The following PHLDB1 variants were observed in gnomAD, a reference collection of about 807,000 sequenced individuals.
The protein encoded by PHLDB1 is pleckstrin homology like domain family B member 1, also known as pleckstrin homology-like domain family B member 1.
PHLDB1 carries 65 observed loss-of-function variants against 139.3 expected under a neutral mutation model. The observed-to-expected ratio is 0.47, with a 90% CI of 0.38 to 0.57. PHLDB1 has a LOEUF of 0.57. PHLDB1 is among the 20% of genes least tolerant of loss of function. The probability of loss-of-function intolerance (pLI) is 0.00; values close to 1 mark genes in which losing one functional copy is unlikely to be tolerated. For missense variants in PHLDB1, 1,624 were observed against 1,839.7 expected, an observed-to-expected ratio of 0.88 and a Z score of 2.14; for synonymous variants, 679 against 734.5, an observed-to-expected ratio of 0.92 and a Z score of 1.22.
chr11:118,618,983 G>A (rs78633738), intron 4 of PHLDB1, among the ~76,000 whole-genome samples: 1 of 152,212 alleles, frequency 6.6e-6, no homozygotes, highest in Non-Finnish European at 1.5e-5. Flanking sequence ...GGAGCATGAA[G>A]TGAGGGAGCC....
At chr11:118,655,796 G>C (rs1418802464) in intron 21 of PHLDB1, 64 bp from the exon 22 acceptor site, 17 of 1,521,742 alleles carry the variant, frequency 1.1e-5, no homozygotes, top group Admixed American at 1.7e-5. Flanking sequence ...CTCTACAGAG[G>C]CTCCAACCCA....
chr11:118,611,826 A>AT lies in PHLDB1; in HGVS notation c.-21-1990_-21-1989insT, dbSNP rs11425130. ...AGAGTGAAACTCCGTCTCAAAAAAA[A>AT]AAAAAAAATAATAATAATAATAATA... On this transcript the variant is annotated intron_variant, in intron 1 of 22. Coordinates refer to ENST00000600882, the MANE Select transcript of PHLDB1 (RefSeq NM_001144758.3). This position sits in a 1 kb window ranked among gnomAD's most constrained non-coding sequence, Gnocchi z 4.7. Among the ~76,000 whole-genome samples, 32,704 of 147,928 alleles carry AT rather than the reference A, an allele frequency of 0.22. 4,267 individuals are homozygous for AT. Among genetic ancestry groups the AT allele is most frequent in the East Asian group, 0.4 (1,982 of 4,998 alleles).
Position 118,647,934 on chromosome 11 carries a change from G to A in PHLDB1, c.3512G>A (p.Arg1171Gln), listed in dbSNP as rs372832106. 2.3e-5 allele frequency: 36 copies of A among 1,568,556 alleles called. No individual in the cohort carries two copies. Among genetic ancestry groups the A allele is most frequent in the Admixed American group, 3.8e-5 (2 of 52,468 alleles). The change falls in exon 18 of 23, where the codon CGG (arginine) becomes CAG (glutamine). Residue 1171 changes from arginine to glutamine, a missense_variant. Arg to Gln is a conservative substitution (Grantham distance 43). Coordinates refer to ENST00000600882, the MANE Select transcript of PHLDB1 (RefSeq NM_001144758.3). ...ACCCCTTGGCTTTGGGGGCAGGAGC[G>A]GGAGATGGAGCTGCGGCGGCAGGCC... Reference protein sequence around the residue: ...EKNRLMESREREMELRRQALE... With the variant: ...EKNRLMESREQEMELRRQALE...
At chr11:118,656,582 T>C (rs1949101123) in intron 22 of PHLDB1, 101 bp from the exon 23 acceptor site, 1 of 1,188,968 alleles carries the variant, frequency 8.4e-7, no homozygotes, top group Non-Finnish European at 1.2e-6. Context: ...CTCCAGGGCT[T>C]TCTAGGGGCT....
At position 118,632,235 on chromosome 11, in the gene PHLDB1, T is replaced by C. The variant is rs2136268704; in HGVS notation, c.2318T>C (p.Val773Ala). 1 of 1,613,860 alleles carries C rather than the reference T, an allele frequency of 6.2e-7. No individual in the cohort carries two copies. Among genetic ancestry groups the C allele is most frequent in the Non-Finnish European group, 8.5e-7 (1 of 1,179,976 alleles). The change falls in exon 9 of 23, where the codon GTG (valine) becomes GCG (alanine). Residue 773 changes from valine to alanine, a missense_variant. By Grantham distance (64) the Val-to-Ala change is moderately conservative. Coordinates refer to ENST00000600882, the MANE Select transcript of PHLDB1 (RefSeq NM_001144758.3). The surrounding 1 kb of genome is among the most constrained non-coding windows in gnomAD (Gnocchi z 5.9). The part of the protein sequence containing the change: ...RALLQKEQKA[V>A]DQLQEKLVAL... ...CTGCTGCAGAAGGAGCAGAAGGCAG[T>C]GGATCAGCTGCAGGAGAAGCTGGTG...
chr11:118,623,695 C>T (rs1019067309), intron 4 of PHLDB1, among the ~76,000 whole-genome samples: 6 of 152,066 alleles, frequency 3.9e-5, no homozygotes, highest in African/African-American at 7.2e-5. Context: ...AGGACCCCCC[C>T]GGTTCATCTG....
At chr11:118,649,174 T>G (rs943756193) in intron 18 of PHLDB1, among the ~76,000 whole-genome samples, 2 of 151,960 alleles carry the variant, frequency 1.3e-5, no homozygotes, top group African/African-American at 2.4e-5. Flanking sequence ...TAGCTTACTC[T>G]GATGGCTGAG....
At chr11:118,638,868 A>C (rs1287391492) in intron 10 of PHLDB1, 23 bp from the exon 11 acceptor site, 3 of 1,578,178 alleles carry the variant, frequency 1.9e-6, no homozygotes, top group Non-Finnish European at 2.6e-6. Context: ...CCAGGGCCTG[A>C]TCAACCACCC....
In PHLDB1 at chr11:118,650,279, G is replaced by A. The variant is rs369463019; in HGVS notation, c.3771+86G>A. On this transcript the variant is annotated intron_variant, in intron 19 of 22. Coordinates refer to ENST00000600882, the MANE Select transcript of PHLDB1 (RefSeq NM_001144758.3). The surrounding 1 kb of genome is among the most constrained non-coding windows in gnomAD (Gnocchi z 4.7). ...CCTCCTGGGTCGTTGGAATAGTGGCGTCAGTCTCTACCCTCACCTAACCAG... is the reference window on the plus strand; with the variant it reads ...CCTCCTGGGTCGTTGGAATAGTGGCATCAGTCTCTACCCTCACCTAACCAG... 45 of 1,102,836 alleles carry A rather than the reference G, an allele frequency of 4.1e-5. No homozygotes were observed. The African/African-American group carries it at 4.9e-4, about 12-fold the overall frequency. 68.3% of individuals were successfully genotyped at this position (1,102,836 alleles called of 1,614,324 possible).
At chr11:118,644,774 C>A in intron 15 of PHLDB1, 1 of 908,884 alleles carries the variant, frequency 1.1e-6, no homozygotes, top group South Asian at 1.4e-5. Context: ...GCCCAGGTCC[C>A]CACTGCCTGC....
At chr11:118,642,213 C>A (rs782559672) in intron 12 of PHLDB1, 41 bp from the exon 13 acceptor site, 6 of 1,587,364 alleles carry the variant, frequency 3.8e-6, no homozygotes, top group East Asian at 4.5e-5. Context: ...TCTCCATCCT[C>A]CCCTCCTGTC....
rs140247090 is a variant in PHLDB1 at position 118,619,267 on chromosome 11, G to A, written c.355+3056G>A. Reference sequence around the variant, plus strand: ...CCCATCCACTCCTAGCATTTCCTCCGAGCCCTGGTCTCCAGTCTCCTTCAT... The same window carrying A: ...CCCATCCACTCCTAGCATTTCCTCCAAGCCCTGGTCTCCAGTCTCCTTCAT... On this transcript the variant is annotated intron_variant, in intron 4 of 22. Transcript: ENST00000600882. Among the ~76,000 whole-genome samples the A allele has an allele frequency of 1.9e-3, 295 of 152,214 alleles. 9 individuals are homozygous for A. In the East Asian group the frequency reaches 0.042, roughly 22 times the overall value.
At chr11:118,634,802 T>C in intron 9 of PHLDB1, 1 of 254,752 alleles carries the variant, frequency 3.9e-6, no homozygotes, top group Non-Finnish European at 8.2e-6. Flanking sequence ...CGACCCCCAT[T>C]CTGTCCCGCC....
chr11:118,638,843 C>A, intron 10 of PHLDB1, 48 bp from the exon 11 acceptor site: 3 of 1,425,398 alleles, frequency 2.1e-6, no homozygotes, highest in East Asian at 2.4e-5. Flanking sequence ...TCACCTTGGG[C>A]TCAGCCCTGT....
At chr11:118,619,556 G>C (rs1555092678) in intron 4 of PHLDB1, among the ~76,000 whole-genome samples, 4 of 152,170 alleles carry the variant, frequency 2.6e-5, no homozygotes. Flanking sequence ...CCACTTCTTT[G>C]TGTCTGCCTC....
chr11:118,617,826 C>T lies in PHLDB1; in HGVS notation c.355+1615C>T, dbSNP rs534289645. ...GCTTGGCTATGATGGCAGTGGGTTC[C>T]TAACAGTCCTGTTCAGTCTCAGAGA... On this transcript the variant is annotated intron_variant, in intron 4 of 22. Coordinates refer to ENST00000600882, the MANE Select transcript of PHLDB1 (RefSeq NM_001144758.3). Among the ~76,000 whole-genome samples the T allele has an allele frequency of 1.2e-4, 18 of 152,132 alleles. No homozygotes were observed. In the South Asian group the frequency reaches 3.5e-3, roughly 30 times the overall value.
chr11:118,654,288 A>C (rs1948721314), intron 20 of PHLDB1: 1 of 152,272 alleles, frequency 6.6e-6, no homozygotes, highest in Non-Finnish European at 1.5e-5. Context: ...ACCTCTGCTC[A>C]GGTAGTTTGC....
chr11:118,625,821 G>C (rs1943753227), intron 5 of PHLDB1, among the ~76,000 whole-genome samples: 1 of 152,168 alleles, frequency 6.6e-6, no homozygotes, highest in South Asian at 2.1e-4. Flanking sequence ...CATCCCCTCT[G>C]ACTATATCCC....
Position 118,610,557 on chromosome 11 carries a change from G to A in PHLDB1, c.-22+2858G>A. 1 of 875,336 alleles carries A rather than the reference G, an allele frequency of 1.1e-6. No individual in the cohort carries two copies. The highest frequency in any genetic ancestry group is 1.4e-6 in the Non-Finnish European group (1 of 729,002). The allele number at this position is 875,336 out of a possible 1,614,324, so 54.2% of individuals were successfully genotyped here. ...GCCGGGCGACCCGCGGGGCTCCGGGGAGCGCCCGAGCAGTGGCCCCGCGAA... is the reference window on the plus strand; with the variant it reads ...GCCGGGCGACCCGCGGGGCTCCGGGAAGCGCCCGAGCAGTGGCCCCGCGAA... On this transcript the variant is annotated intron_variant, in intron 1 of 22. Coordinates refer to ENST00000600882, the MANE Select transcript of PHLDB1 (RefSeq NM_001144758.3). This position sits in a 1 kb window ranked among gnomAD's most constrained non-coding sequence, Gnocchi z 8.7.
Sources: gnomAD v4.1 joint callset for allele counts (sites outside exome capture counted in the v4.1 genomes callset) on GRCh38, gnomAD v4.1.1 for gene constraint, Gnocchi (gnomAD v3.1) non-coding constraint, MANE v1.5 for transcripts, NCBI Gene and HGNC (gene_info 2026-07-23, HGNC 2026-07-21) for gene names.